The following IL21R variants were observed in gnomAD, a reference collection of about 807,000 sequenced individuals.
IL21R encodes interleukin-21 receptor.
In IL21R, 14 loss-of-function variants were observed where a neutral mutation model predicts 41.3. The ratio of observed to expected loss-of-function variants is 0.34; its 90% confidence interval spans 0.22 to 0.53. The LOEUF is 0.53. Ranked by LOEUF, IL21R falls within the 20% of genes least tolerant of loss-of-function variation. The probability of loss-of-function intolerance (pLI) is 0.94; values close to 1 mark genes in which losing one functional copy is unlikely to be tolerated. For synonymous variants in IL21R, 286 were observed against 287.6 expected (o/e 0.99, Z 0.05); for missense variants, 588 against 681.6 (o/e 0.86, Z 1.53).
intron 1 of IL21R, among the ~76,000 whole-genome samples, chr16:27,412,949 A>G (rs1451780060): frequency 1.3e-5 from 2 of 152,146 alleles, no homozygotes; most frequent in Admixed American, 6.5e-5. Flanking sequence ...TTTCCAATTT[A>G]GATACCTTTT....
chr16:27,403,108 G>C (rs2086685322), intron 1 of IL21R: 1 of 660,522 alleles, frequency 1.5e-6, no homozygotes, highest in Non-Finnish European at 2.5e-6. Flanking sequence ...GAGAGGTAGA[G>C]TGATTTTCCC....
intron 1 of IL21R, among the ~76,000 whole-genome samples, chr16:27,413,529 CTT>C (rs2086851032): frequency 3.4e-5 from 5 of 147,572 alleles, no homozygotes; most frequent in Admixed American, 3.4e-4. Flanking sequence ...GGTGTTGATT[CTT>C]TAAGTATTTG....
At chr16:27,421,251 A>C (rs1403663761) in intron 1 of IL21R, among the ~76,000 whole-genome samples, 1 of 149,326 alleles carries the variant, frequency 6.7e-6, no homozygotes, top group Non-Finnish European at 1.5e-5. Context: ...GACTCCTCCA[A>C]CTGTGTTCTT....
In IL21R at chr16:27,449,592, G is replaced by A. The variant is rs770150603; in HGVS notation, c.*309G>A. On this transcript the variant is annotated 3_prime_UTR_variant, in exon 9 of 9. Transcript: ENST00000337929. ...CTGCCCTGTGCATGTCTGGACTCAC[G>A]GAGCTCACCCATGTGCACAAGTGTG... 15 of 438,462 alleles carry A rather than the reference G, an allele frequency of 3.4e-5. No homozygotes were observed. The highest frequency in any genetic ancestry group is 2.2e-4 in the East Asian group (6 of 27,050). 27.2% of individuals were successfully genotyped at this position (438,462 alleles called of 1,614,324 possible).
intron 1 of IL21R, among the ~76,000 whole-genome samples, chr16:27,418,706 A>G (rs2086947201): frequency 6.6e-6 from 1 of 152,106 alleles, no homozygotes; most frequent in African/African-American, 2.4e-5. Flanking sequence ...ACTTTTTAAA[A>G]CTTTTTGAAT....
intron 1 of IL21R, among the ~76,000 whole-genome samples, chr16:27,411,261 AT>A (rs1333026512): frequency 2.6e-5 from 4 of 152,094 alleles, no homozygotes; most frequent in Non-Finnish European, 5.9e-5. Context: ...AAGGGTTTCA[AT>A]TCTCTACATC....
intron 1 of IL21R, among the ~76,000 whole-genome samples, chr16:27,417,141 C>T (rs1231225868): frequency 2.8e-5 from 4 of 145,136 alleles, no homozygotes; most frequent in African/African-American, 5.1e-5. Context: ...GTTTTCTTTC[C>T]TTTTTCTTTC....
intron 1 of IL21R, among the ~76,000 whole-genome samples, chr16:27,416,926 A>G (rs2086899735): frequency 6.6e-6 from 1 of 152,210 alleles, no homozygotes; most frequent in African/African-American, 2.4e-5. Context: ...TTTAAAGTTC[A>G]TCCATTTTGT....
At chr16:27,428,186 C>T (rs1162687873) in intron 1 of IL21R, among the ~76,000 whole-genome samples, 2 of 136,982 alleles carry the variant, frequency 1.5e-5, no homozygotes, top group African/African-American at 5.5e-5. Context: ...CAAATCACCT[C>T]CTTGAATTCT....
intron 4 of IL21R, 56 bp downstream of exon 4, chr16:27,437,743 C>T: frequency 1.4e-6 from 2 of 1,436,532 alleles, no homozygotes. Flanking sequence ...CTCACCGCAG[C>T]CCTGACCTCT....
rs767388017 is a variant in IL21R at position 27,444,635 on chromosome 16, C to T, written c.601C>T (p.Arg201Trp). ...RKDSSYELQV[R>W]AGPMPGSSYQ... The stretch of plus-strand genomic sequence containing the variant: ...AGACTCGAGCTATGAGCTGCAGGTG[C>T]GGGCAGGGCCCATGCCTGGCTCCTC... Residue 201 changes from arginine to tryptophan, a missense_variant, in exon 6 of 9, where the codon CGG becomes TGG. By Grantham distance (101) the Arg-to-Trp change is moderately radical. Transcript: ENST00000337929. The T allele has an allele frequency of 7.6e-6, 12 of 1,587,850 alleles. No homozygotes were observed. Among genetic ancestry groups the T allele is most frequent in the South Asian group, 1.1e-5 (1 of 87,304 alleles).
intron 2 of IL21R, among the ~76,000 whole-genome samples, chr16:27,431,618 C>G (rs1159149560): frequency 6.6e-6 from 1 of 151,924 alleles, no homozygotes; most frequent in East Asian, 1.9e-4. Context: ...GATCAAGGCA[C>G]CAGCAGTAGC....
At chr16:27,437,720 C>T (rs1339139395) in intron 4 of IL21R, 33 bp downstream of exon 4, 1 of 1,579,156 alleles carries the variant, frequency 6.3e-7, no homozygotes, top group Non-Finnish European at 8.7e-7. Context: ...CTTAGGGTGG[C>T]ACTCAATCTT....
chr16:27,418,358 G>A (rs1484180847), intron 1 of IL21R, among the ~76,000 whole-genome samples: 4 of 150,252 alleles, frequency 2.7e-5, no homozygotes, highest in East Asian at 2.0e-4. Context: ...GTAAGCTACC[G>A]CGCCCGGCCC....
chr16:27,405,711 C>T (rs2086732983), intron 1 of IL21R, among the ~76,000 whole-genome samples: 1 of 152,130 alleles, frequency 6.6e-6, no homozygotes, highest in South Asian at 2.1e-4. Flanking sequence ...ACCCCTGGCT[C>T]ACAGGTGCCA....
chr16:27,424,038 G>T (rs142456348), intron 1 of IL21R, among the ~76,000 whole-genome samples: 1 of 152,024 alleles, frequency 6.6e-6, no homozygotes, highest in Non-Finnish European at 1.5e-5. Flanking sequence ...AAATTAAAAT[G>T]GTATGTCATT....
At chr16:27,430,002 G>A in intron 1 of IL21R, 54 bp from the exon 2 acceptor site, 1 of 1,483,174 alleles carries the variant, frequency 6.7e-7, no homozygotes. Context: ...TGAGGGGGAG[G>A]CCGGGGGAGC....
In IL21R at chr16:27,445,189, G is replaced by C; in HGVS notation, c.698G>C (p.Gly233Ala). 2 of 1,613,570 alleles carry C rather than the reference G, an allele frequency of 1.2e-6. No individual in the cohort carries two copies. Among genetic ancestry groups the C allele is most frequent in the Non-Finnish European group, 1.7e-6 (2 of 1,179,584 alleles). The change falls in exon 7 of 9, where the codon GGC becomes GCC. Residue 233 changes from glycine (G) to alanine (A), a missense_variant. Transcript: ENST00000337929. ...GCTTCCTTCCCAGAGTTAAAGGAAG[G>C]CTGGAACCCTCACCTGCTGCTTCTC... ...FQTQSEELKEGWNPHLLLLLL... is the reference protein window; with the variant it reads ...FQTQSEELKEAWNPHLLLLLL...
intron 1 of IL21R, among the ~76,000 whole-genome samples, chr16:27,429,393 A>T (rs776004761): frequency 5.3e-5 from 8 of 152,040 alleles, no homozygotes; most frequent in Non-Finnish European, 1.0e-4. Flanking sequence ...TGTTAGATAG[A>T]TAAATACACA....
Sources: allele counts gnomAD v4.1 joint callset (sites outside exome capture counted in the v4.1 genomes callset), GRCh38; gene constraint gnomAD v4.1.1; transcripts MANE v1.5; gene names NCBI Gene and HGNC (gene_info 2026-07-23, HGNC 2026-07-21).